Variants in KCNK13 observed in about 807,000 individuals in gnomAD.
KCNK13 encodes the protein potassium channel subfamily K member 13.
KCNK13 carries 12 observed loss-of-function variants against 23.4 expected under a neutral mutation model. That is an observed-to-expected ratio of 0.51 (90% CI 0.33 to 0.83). KCNK13 has a LOEUF of 0.83. Ranked by LOEUF, KCNK13 falls within the 40% of genes least tolerant of loss-of-function variation. The probability of loss-of-function intolerance (pLI) is 0.02; values close to 1 mark genes in which losing one functional copy is unlikely to be tolerated. For missense variants in KCNK13, 463 were observed against 556.3 expected (o/e 0.83, Z 1.69); for synonymous variants, 231 against 229.5 (o/e 1.01, Z -0.06).
chr14:90,084,054 G>A (rs1889243516), intron 1 of KCNK13, among the ~76,000 whole-genome samples: 1 of 152,186 alleles, frequency 6.6e-6, no homozygotes, highest in Non-Finnish European at 1.5e-5. Flanking sequence ...TTATTCTAGT[G>A]TCTTGATTAC....
intron 1 of KCNK13, among the ~76,000 whole-genome samples, chr14:90,140,584 G>A (rs1889994132): frequency 6.6e-6 from 1 of 152,114 alleles, no homozygotes; most frequent in Non-Finnish European, 1.5e-5. Flanking sequence ...GAAATAAATT[G>A]AAACCCATTT....
chr14:90,078,709 T>C (rs1889172547), intron 1 of KCNK13, among the ~76,000 whole-genome samples: 1 of 152,116 alleles, frequency 6.6e-6, no homozygotes, highest in Non-Finnish European at 1.5e-5. Context: ...CATGGGCTAA[T>C]GGGTGAAGAC....
intron 1 of KCNK13, among the ~76,000 whole-genome samples, chr14:90,178,584 C>A (rs907859979): frequency 6.6e-6 from 1 of 151,972 alleles, no homozygotes; most frequent in African/African-American, 2.4e-5. Flanking sequence ...GCCACCACAC[C>A]GGGCCTGATG....
At position 90,184,078 on chromosome 14, in the gene KCNK13, C is replaced by A. The variant is rs201115853; in HGVS notation, c.335-33C>A. On this transcript the variant is annotated intron_variant, in intron 1 of 1. Transcript: ENST00000282146. The surrounding 1 kb of genome is among the most constrained non-coding windows in gnomAD (Gnocchi z 5.6). The stretch of plus-strand genomic sequence containing the variant: ...TAGACCCCATTCACAGCAAAGATTT[C>A]TCTTACTCTTCTCTCATTTTTCTCT... 11 of 1,586,452 alleles carry A rather than the reference C, an allele frequency of 6.9e-6. No homozygotes were observed. The African/African-American group carries it at 1.1e-4, about 16-fold the overall frequency.
At chr14:90,063,073 A>G (rs182313378) in intron 1 of KCNK13, among the ~76,000 whole-genome samples, 1 of 152,290 alleles carries the variant, frequency 6.6e-6, no homozygotes, top group Admixed American at 6.5e-5. Flanking sequence ...ACGGTTCAAA[A>G]GATGGAAAAT....
chr14:90,093,731 T>C (rs1029539380), intron 1 of KCNK13, among the ~76,000 whole-genome samples: 2 of 152,194 alleles, frequency 1.3e-5, no homozygotes, highest in African/African-American at 2.4e-5. Context: ...CTCAGTTCCA[T>C]AGGGTGGCAT....
Position 90,141,540 on chromosome 14 carries a change from C to T in KCNK13, c.335-42571C>T, listed in dbSNP as rs1200026293. On this transcript the variant is annotated intron_variant, in intron 1 of 1. Transcript: ENST00000282146. ...TGGCACGATCTTGGCTCACTGCAACCTCTGCCTCCAGGGTTCAAGCAATTC... is the reference window on the plus strand; with the variant it reads ...TGGCACGATCTTGGCTCACTGCAACTTCTGCCTCCAGGGTTCAAGCAATTC... Among the ~76,000 whole-genome samples the T allele has an allele frequency of 2.0e-5, 3 of 152,096 alleles. No individual in the cohort carries two copies. The East Asian group carries it at 5.8e-4, about 29-fold the overall frequency.
At chr14:90,077,020 C>T (rs962892506) in intron 1 of KCNK13, among the ~76,000 whole-genome samples, 3 of 150,936 alleles carry the variant, frequency 2.0e-5, no homozygotes, top group Admixed American at 6.6e-5. Context: ...GGGGTTTCAC[C>T]ATGTTAGCCA....
intron 1 of KCNK13, among the ~76,000 whole-genome samples, chr14:90,129,794 C>T (rs1214680563): frequency 6.6e-6 from 1 of 151,892 alleles, no homozygotes; most frequent in East Asian, 1.9e-4. Flanking sequence ...ACATAGGGGA[C>T]TTTATGTCAT....
At chr14:90,138,628 A>G (rs762749762) in intron 1 of KCNK13, among the ~76,000 whole-genome samples, 8 of 152,242 alleles carry the variant, frequency 5.3e-5, no homozygotes, top group Non-Finnish European at 8.8e-5. Context: ...AAAGGAATCT[A>G]AAAATCCATT....
At chr14:90,088,789 G>A (rs1013357723) in intron 1 of KCNK13, among the ~76,000 whole-genome samples, 6 of 152,170 alleles carry the variant, frequency 3.9e-5, no homozygotes, top group East Asian at 1.9e-4. Flanking sequence ...CTGATGGGAG[G>A]TTATTGAATT....
chr14:90,062,025 A>C lies in KCNK13; in HGVS notation c.-181A>C. 2.5e-6 allele frequency: 1 copy of C among 404,170 alleles called. No homozygotes were observed. The highest frequency in any genetic ancestry group is 4.3e-6 in the Non-Finnish European group (1 of 233,302). 25.0% of individuals were successfully genotyped at this position (404,170 alleles called of 1,614,324 possible). A position where few individuals can be genotyped will look rare whatever the true frequency, so the allele number is the denominator to read the frequency against. On this transcript the variant is annotated 5_prime_UTR_variant, in exon 1 of 2. Coordinates refer to ENST00000282146, the MANE Select transcript of KCNK13 (RefSeq NM_022054.4). The surrounding 1 kb of genome is among the most constrained non-coding windows in gnomAD (Gnocchi z 4.5). ...GTGGGGAGCTGGCGCCACAGGAGCT[A>C]CCGAGGCGGCGGCCGGGGGAGCCTC...
chr14:90,179,244 A>C (rs1199471747), intron 1 of KCNK13, among the ~76,000 whole-genome samples: 1 of 152,140 alleles, frequency 6.6e-6, no homozygotes, highest in African/African-American at 2.4e-5. Context: ...GAATGTTGAT[A>C]ATTTGGAAAA....
intron 1 of KCNK13, among the ~76,000 whole-genome samples, chr14:90,105,250 C>T (rs1410113030): frequency 6.6e-6 from 1 of 152,024 alleles, no homozygotes; most frequent in Non-Finnish European, 1.5e-5. Context: ...TGCTTTAGGC[C>T]CTTTTCTTCT....
chr14:90,180,437 T>G (rs1292344010), intron 1 of KCNK13, among the ~76,000 whole-genome samples: 1 of 152,168 alleles, frequency 6.6e-6, no homozygotes, highest in Non-Finnish European at 1.5e-5. Context: ...TTACACACTT[T>G]TCAGCGCTGA....
intron 1 of KCNK13, among the ~76,000 whole-genome samples, chr14:90,100,903 A>T (rs1889468641): frequency 6.6e-6 from 1 of 152,030 alleles, no homozygotes; most frequent in Admixed American, 6.6e-5. Context: ...TATGTTGCCC[A>T]GGCTGGTCTT....
chr14:90,153,439 A>C (rs1368486756), intron 1 of KCNK13, among the ~76,000 whole-genome samples: 1 of 152,196 alleles, frequency 6.6e-6, no homozygotes, highest in East Asian at 1.9e-4. Context: ...GATCCATGTA[A>C]AAGTTTATAG....
chr14:90,111,025 A>AC (rs1364846719), intron 1 of KCNK13, among the ~76,000 whole-genome samples: 2 of 151,438 alleles, frequency 1.3e-5, no homozygotes, highest in African/African-American at 4.9e-5. Context: ...AAAAAAAAAA[A>AC]ATCCCTGAAT....
chr14:90,101,934 A>G (rs1435536159), intron 1 of KCNK13, among the ~76,000 whole-genome samples: 1 of 150,206 alleles, frequency 6.7e-6, no homozygotes, highest in Non-Finnish European at 1.5e-5. Flanking sequence ...CCCAGGTTGG[A>G]GTGCAATGGC....
Sources: allele counts gnomAD v4.1 joint callset (sites outside exome capture counted in the v4.1 genomes callset), GRCh38; gene constraint gnomAD v4.1.1; non-coding constraint Gnocchi (gnomAD v3.1); transcripts MANE v1.5; gene names NCBI Gene and HGNC (gene_info 2026-07-23, HGNC 2026-07-21).